Variants in ULK4 observed in about 807,000 individuals in gnomAD.
The protein encoded by ULK4 is unc-51 like kinase 4, also known as inactive serine/threonine-protein kinase ULK4.
ULK4 carries 133 observed loss-of-function variants against 160.6 expected under a neutral mutation model. The observed-to-expected ratio is 0.83, with a 90% confidence interval of 0.72 to 0.96. ULK4 has a LOEUF of 0.96. ULK4 is among the 40% of genes least tolerant of loss of function. The pLI is 0.00. For missense variants in ULK4, 1,580 were observed against 1,499.5 expected, an observed-to-expected ratio of 1.05 and a Z score of -0.89; for synonymous variants, 534 against 539.8, an observed-to-expected ratio of 0.99 and a Z score of 0.15.
intron 32 of ULK4, among the ~76,000 whole-genome samples, chr3:41,477,243 T>C (rs547454694): frequency 6.6e-6 from 1 of 152,370 alleles, no homozygotes; most frequent in East Asian, 1.9e-4. Context: ...TTTTCAAGTG[T>C]TTAATGTTCT....
At chr3:41,920,786 G>A (rs548176730) in intron 5 of ULK4, among the ~76,000 whole-genome samples, 16 of 152,160 alleles carry the variant, frequency 1.1e-4, no homozygotes, top group African/African-American at 3.6e-4. Flanking sequence ...GCCCTGATGC[G>A]TGACTGTAAA....
chr3:41,443,340 C>A (rs10446425), intron 34 of ULK4, among the ~76,000 whole-genome samples: 80,685 of 152,000 alleles, frequency 0.53, 21,845 homozygotes, highest in East Asian at 0.69. Flanking sequence ...CCTTCTTTCA[C>A]TTATCAACTT....
chr3:41,952,201 G>A (rs1489086989), intron 2 of ULK4, among the ~76,000 whole-genome samples: 1 of 152,092 alleles, frequency 6.6e-6, no homozygotes, highest in East Asian at 1.9e-4. Flanking sequence ...AAAGACAAAT[G>A]TGACTCTGCA....
At chr3:41,308,927 G>A (rs1179627503) in intron 35 of ULK4, among the ~76,000 whole-genome samples, 1 of 152,104 alleles carries the variant, frequency 6.6e-6, no homozygotes, top group Non-Finnish European at 1.5e-5. Context: ...TATAAGAAGA[G>A]GGTAGAATCA....
chr3:41,497,934 G>A (rs911880213), intron 32 of ULK4, among the ~76,000 whole-genome samples: 3 of 152,048 alleles, frequency 2.0e-5, no homozygotes, highest in Non-Finnish European at 2.9e-5. Flanking sequence ...TAACTAATTA[G>A]ATAGAAAAAC....
chr3:41,806,826 T>C (rs1484755340), intron 19 of ULK4, among the ~76,000 whole-genome samples: 1 of 152,210 alleles, frequency 6.6e-6, no homozygotes, highest in Non-Finnish European at 1.5e-5. Context: ...AATGACACCA[T>C]TAAGCCTCAT....
intron 9 of ULK4, 147 bp from the exon 10 acceptor site, chr3:41,911,806 T>C (rs902003837): frequency 3.1e-6 from 2 of 644,530 alleles, no homozygotes; most frequent in Non-Finnish European, 5.4e-6. Context: ...GCCTCCCTCA[T>C]CCACATAGCC....
intron 27 of ULK4, among the ~76,000 whole-genome samples, chr3:41,687,378 A>G (rs531371504): frequency 6.6e-6 from 1 of 152,104 alleles, no homozygotes; most frequent in South Asian, 2.1e-4. Flanking sequence ...TCTCAAGAAA[A>G]AAAAAAAAAT....
At chr3:41,722,415 G>A (rs1446206757) in intron 22 of ULK4, among the ~76,000 whole-genome samples, 3 of 152,110 alleles carry the variant, frequency 2.0e-5, no homozygotes, top group Non-Finnish European at 2.9e-5. Flanking sequence ...GATCACCTGA[G>A]GTCAGGAGTT....
intron 32 of ULK4, among the ~76,000 whole-genome samples, chr3:41,530,788 G>A (rs545617115): frequency 3.5e-4 from 54 of 152,128 alleles, no homozygotes; most frequent in African/African-American, 1.2e-3. Context: ...TTTTGGAGAC[G>A]GAGTCTCGCT....
At chr3:41,462,151 C>G (rs1479525838) in intron 33 of ULK4, among the ~76,000 whole-genome samples, 1 of 152,142 alleles carries the variant, frequency 6.6e-6, no homozygotes, top group East Asian at 1.9e-4. Flanking sequence ...AAGCTAAATA[C>G]TTGACCAGCT....
chr3:41,494,316 C>A (rs28819729), intron 32 of ULK4, among the ~76,000 whole-genome samples: 3 of 105,754 alleles, frequency 2.8e-5, no homozygotes, highest in South Asian at 3.4e-4. Context: ...TAAACAGAAC[C>A]AAAGACAAAA....
intron 31 of ULK4, among the ~76,000 whole-genome samples, chr3:41,613,135 A>G (rs961880403): frequency 4.6e-5 from 7 of 152,208 alleles, no homozygotes; most frequent in African/African-American, 1.2e-4. Flanking sequence ...GCTGCCATAT[A>G]TATGCTAGAC....
intron 22 of ULK4, among the ~76,000 whole-genome samples, chr3:41,733,489 G>C (rs75779288): frequency 0.012 from 1,757 of 152,036 alleles, 34 homozygotes; most frequent in African/African-American, 0.04. Context: ...CAAAATGCAA[G>C]AATGCAGACT....
At chr3:41,649,345 C>T (rs904391359) in intron 30 of ULK4, among the ~76,000 whole-genome samples, 1 of 152,108 alleles carries the variant, frequency 6.6e-6, no homozygotes, top group Non-Finnish European at 1.5e-5. Context: ...AGGCAGGAGC[C>T]CCACCCCCTA....
intron 27 of ULK4, among the ~76,000 whole-genome samples, chr3:41,684,511 G>A (rs1292544138): frequency 3.3e-5 from 5 of 152,130 alleles, no homozygotes; most frequent in Non-Finnish European, 5.9e-5. Flanking sequence ...TGGGAATTCC[G>A]AGGCTCATGT....
chr3:41,914,747 T>C (rs925551249), intron 8 of ULK4: 1 of 152,258 alleles, frequency 6.6e-6, no homozygotes, highest in African/African-American at 2.4e-5. Flanking sequence ...CCAGGTACAG[T>C]GGCTCACACC....
intron 17 of ULK4, among the ~76,000 whole-genome samples, chr3:41,874,718 G>A (rs917318844): frequency 6.6e-6 from 1 of 152,062 alleles, no homozygotes; most frequent in Non-Finnish European, 1.5e-5. Flanking sequence ...GTGAAGGAGG[G>A]GAGAGGGATT....
intron 17 of ULK4, among the ~76,000 whole-genome samples, chr3:41,882,659 T>C (rs1247820683): frequency 6.6e-6 from 1 of 152,236 alleles, no homozygotes; most frequent in Non-Finnish European, 1.5e-5. Flanking sequence ...TCAACAGTCA[T>C]ATTTCACATA....
Sources: allele counts gnomAD v4.1 joint callset (sites outside exome capture counted in the v4.1 genomes callset), GRCh38; gene constraint gnomAD v4.1.1; transcripts MANE v1.5; gene names NCBI Gene and HGNC (gene_info 2026-07-23, HGNC 2026-07-21).